DGKB: variants seen among roughly 807,000 people sequenced by gnomAD.
DGKB encodes the protein 90 kDa diacylglycerol kinase.
Under a neutral mutation model 114.3 loss-of-function variants are expected in DGKB, and 67 were observed. The ratio of observed to expected loss-of-function variants is 0.59; its 90% CI spans 0.48 to 0.72. The LOEUF (loss-of-function observed/expected upper bound fraction) is 0.72. Among genes scored for constraint, DGKB ranks in the 30% least tolerant of loss-of-function variants. The pLI is 0.00. For synonymous variants in DGKB, 398 were observed against 323.1 expected, an observed-to-expected ratio of 1.23 and a Z score of -2.49; for missense variants, 907 against 975.2, an observed-to-expected ratio of 0.93 and a Z score of 0.93.
At chr7:14,635,460 T>C (rs1810560656) in intron 13 of DGKB, among the ~76,000 whole-genome samples, 2 of 151,298 alleles carry the variant, frequency 1.3e-5, no homozygotes, top group African/African-American at 4.8e-5. Flanking sequence ...AACAAAATTC[T>C]CTCTCTGTTG....
chr7:14,701,546 A>C, intron 7 of DGKB, 135 bp downstream of exon 7: 1 of 636,442 alleles, frequency 1.6e-6, no homozygotes, highest in Non-Finnish European at 2.8e-6. Context: ...AAAGTCAAAA[A>C]GATAAAAATG....
intron 17 of DGKB, among the ~76,000 whole-genome samples, chr7:14,584,620 A>G (rs1308379189): frequency 6.6e-6 from 1 of 151,844 alleles, no homozygotes; most frequent in African/African-American, 2.4e-5. Flanking sequence ...ACACTCAAAG[A>G]TGTGCCTTTC....
intron 23 of DGKB, among the ~76,000 whole-genome samples, chr7:14,233,414 T>C (rs1209650521): frequency 6.6e-6 from 1 of 152,058 alleles, no homozygotes; most frequent in African/African-American, 2.4e-5. Context: ...CAGTGTCCTT[T>C]GTTCTTGCCT....
At chr7:14,605,819 C>T (rs1033141345) in intron 17 of DGKB, among the ~76,000 whole-genome samples, 1 of 151,852 alleles carries the variant, frequency 6.6e-6, no homozygotes, top group African/African-American at 2.4e-5. Context: ...GATAATAAAC[C>T]ACATTCACTG....
At chr7:14,355,429 C>A (rs921282151) in intron 21 of DGKB, among the ~76,000 whole-genome samples, 1 of 152,110 alleles carries the variant, frequency 6.6e-6, no homozygotes, top group Non-Finnish European at 1.5e-5. Flanking sequence ...ATAAATTGCT[C>A]CTACTATTTT....
intron 20 of DGKB, among the ~76,000 whole-genome samples, chr7:14,571,550 A>G (rs1416595266): frequency 6.6e-6 from 1 of 152,186 alleles, no homozygotes; most frequent in African/African-American, 2.4e-5. Context: ...ATAAACTTCT[A>G]TATATTCCTG....
At chr7:14,268,231 C>A (rs62443662) in intron 23 of DGKB, among the ~76,000 whole-genome samples, 2,468 of 127,076 alleles carry the variant, frequency 0.019, 70 homozygotes, top group African/African-American at 0.061. Flanking sequence ...ACACACACAC[C>A]ACACACACAC....
At chr7:14,852,486 T>TCAAAAAAAAAAAAAAAAAA (rs948693044) in intron 1 of DGKB, among the ~76,000 whole-genome samples, 160 of 7,766 alleles carry the variant, frequency 0.021, 6 homozygotes, top group African/African-American at 0.049. Context: ...ATAGTGAAAG[T>TCAAAAAAAAAAAAAAAAAA]CAAAAAAAAA....
At chr7:14,320,894 A>C (rs953217316) in intron 23 of DGKB, among the ~76,000 whole-genome samples, 5 of 152,162 alleles carry the variant, frequency 3.3e-5, no homozygotes, top group African/African-American at 4.8e-5. Flanking sequence ...TAGATGCAAA[A>C]TTTTAAATGT....
intron 21 of DGKB, among the ~76,000 whole-genome samples, chr7:14,403,760 T>C (rs1163193035): frequency 1.3e-5 from 2 of 151,942 alleles, no homozygotes; most frequent in Non-Finnish European, 2.9e-5. Flanking sequence ...CTTGCTTTTT[T>C]CAAAAATCCT....
chr7:14,184,113 G>C (rs1377450971), intron 23 of DGKB, among the ~76,000 whole-genome samples: 1 of 152,206 alleles, frequency 6.6e-6, no homozygotes, highest in African/African-American at 2.4e-5. Flanking sequence ...CAGGGGTAGA[G>C]GAAGCAGCAG....
intron 23 of DGKB, among the ~76,000 whole-genome samples, chr7:14,320,493 C>T (rs995613036): frequency 6.6e-6 from 1 of 152,048 alleles, no homozygotes; most frequent in Non-Finnish European, 1.5e-5. Context: ...GTGTCATCAA[C>T]TCCACAAAGC....
intron 23 of DGKB, among the ~76,000 whole-genome samples, chr7:14,329,928 C>T (rs1585165340): frequency 1.3e-5 from 2 of 152,104 alleles, no homozygotes; most frequent in Admixed American, 1.3e-4. Context: ...TGCAGCTTTA[C>T]TCTAGGTAGG....
chr7:14,373,470 G>A (rs767888199), intron 21 of DGKB, among the ~76,000 whole-genome samples: 1 of 152,010 alleles, frequency 6.6e-6, no homozygotes, highest in South Asian at 2.1e-4. Flanking sequence ...CATTTATTCC[G>A]TACAGTGAGT....
intron 17 of DGKB, among the ~76,000 whole-genome samples, chr7:14,590,051 C>A (rs1801437758): frequency 6.6e-6 from 1 of 151,272 alleles, no homozygotes; most frequent in South Asian, 2.1e-4. Context: ...GGGAGATATA[C>A]CTAATGCTAG....
At chr7:14,404,128 G>A (rs10227809) in intron 21 of DGKB, among the ~76,000 whole-genome samples, 1 of 150,960 alleles carries the variant, frequency 6.6e-6, no homozygotes, top group Non-Finnish European at 1.5e-5. Context: ...TACTTATTTA[G>A]TGAGGTTGGA....
intron 25 of DGKB, among the ~76,000 whole-genome samples, chr7:14,152,895 CTAAG>C (rs1041882840): frequency 1.2e-4 from 18 of 152,050 alleles, no homozygotes; most frequent in Non-Finnish European, 2.9e-5. Context: ...GAGCATTTTG[CTAAG>C]TGTTTTACAC....
intron 1 of DGKB, among the ~76,000 whole-genome samples, chr7:14,958,465 ACACACACACAC>A (rs1482862374): frequency 6.3e-5 from 9 of 142,866 alleles, no homozygotes; most frequent in African/African-American, 2.2e-4. Context: ...ACACACACAC[ACACACACACAC>A]CCCGTCCAGG....
intron 1 of DGKB, among the ~76,000 whole-genome samples, chr7:14,850,723 T>C (rs1213790860): frequency 6.6e-6 from 1 of 152,164 alleles, no homozygotes; most frequent in East Asian, 1.9e-4. Context: ...ACTAAAGACA[T>C]AGTAAAAACA....
Sources: allele counts gnomAD v4.1 joint callset (sites outside exome capture counted in the v4.1 genomes callset), GRCh38; gene constraint gnomAD v4.1.1; transcripts MANE v1.5; gene names NCBI Gene and HGNC (gene_info 2026-07-23, HGNC 2026-07-21).